The following AUNIP variants were observed in gnomAD, a reference collection of about 807,000 sequenced individuals.
AUNIP encodes the protein aurora kinase A- and ninein-interacting protein.
In AUNIP, 16 loss-of-function variants were observed where a neutral mutation model predicts 12.2. The ratio of observed to expected loss-of-function variants is 1.31; its 90% CI spans 0.88 to 1.99. The LOEUF (loss-of-function observed/expected upper bound fraction) is 1.99, where lower values mean the gene tolerates loss of function less well. Among genes scored for constraint, AUNIP ranks in the 30% most tolerant of loss-of-function variants. AUNIP has a pLI of 0.00. For synonymous variants in AUNIP, 142 were observed against 154.8 expected (o/e 0.92, Z 0.61); for missense variants, 411 against 419.1 (o/e 0.98, Z 0.17).
Position 25,851,806 on chromosome 1 carries a change from G to A in AUNIP, c.78+7474C>T, listed in dbSNP as rs181201405. 1.4e-3 allele frequency among the ~76,000 whole-genome samples: 219 copies of A among 151,822 alleles called. 1 individual carries two copies. Among genetic ancestry groups the A allele is most frequent in the Non-Finnish European group, 2.5e-3 (167 of 67,922 alleles). On this transcript the variant is annotated intron_variant, in intron 1 of 2. Coordinates refer to ENST00000374298, the MANE Select transcript of AUNIP (RefSeq NM_024037.3). Reference sequence around the variant, plus strand: ...GGCTGGAATGCAGTGGCACAATCTCGGCTCACTGCAACCTGTCTCCCGGGT... The same window carrying A: ...GGCTGGAATGCAGTGGCACAATCTCAGCTCACTGCAACCTGTCTCCCGGGT...
intron 1 of AUNIP, among the ~76,000 whole-genome samples, chr1:25,858,767 G>C (rs900130393): frequency 6.6e-5 from 10 of 152,136 alleles, no homozygotes; most frequent in African/African-American, 2.4e-4. Context: ...TACATAGGAG[G>C]CCAGCTCCCC....
In AUNIP at chr1:25,837,474, TC is replaced by T. The variant is rs1327560342; in HGVS notation, c.158del (p.Arg53LysfsTer51). The T allele has an allele frequency of 2.2e-5, 36 of 1,614,012 alleles. No homozygotes were observed. The highest frequency in any genetic ancestry group is 2.8e-5 in the Non-Finnish European group (33 of 1,179,994). On this transcript the variant is annotated frameshift_variant, in exon 2 of 3. Transcript: ENST00000374298. LOFTEE classifies it high-confidence loss of function. ...GGTGAATGCCTGTAGATGGAGCTCT[TC>T]TTTGAGTAAAATAAATATTAGCCTT... Reference protein sequence around the residue: ...ERKANIYFTQRRAPSTGIHQR... With the variant: ...ERKANIYFTQXRAPSTGIHQR...
At chr1:25,843,598 A>G (rs2048361140) in intron 1 of AUNIP, among the ~76,000 whole-genome samples, 4 of 133,684 alleles carry the variant, frequency 3.0e-5, no homozygotes, top group African/African-American at 1.0e-4. Flanking sequence ...CTGTTTGAAA[A>G]AAAAAAAAAA....
chr1:25,841,723 A>G (rs1485059999), intron 1 of AUNIP, among the ~76,000 whole-genome samples: 1 of 151,844 alleles, frequency 6.6e-6, no homozygotes, highest in African/African-American at 2.4e-5. Flanking sequence ...ACGGGGTTTC[A>G]CTGTGTTGGC....
chr1:25,845,014 T>C (rs2048372360), intron 1 of AUNIP, among the ~76,000 whole-genome samples: 1 of 152,222 alleles, frequency 6.6e-6, no homozygotes, highest in South Asian at 2.1e-4. Flanking sequence ...GGTCTCATCA[T>C]TATACATCTC....
In AUNIP at chr1:25,848,644, A is replaced by C. The variant is rs553877248; in HGVS notation, c.78+10636T>G. Among the ~76,000 whole-genome samples the C allele has an allele frequency of 2.6e-5, 4 of 152,150 alleles. No individual in the cohort carries two copies. The East Asian group carries it at 7.7e-4, about 29-fold the overall frequency. ...CCACACCAAATAATCTGTGCTAACA[A>C]TGTGATTTATGGAGGGGTCTTCAGG... On this transcript the variant is annotated intron_variant, in intron 1 of 2. Coordinates refer to ENST00000374298, the MANE Select transcript of AUNIP (RefSeq NM_024037.3).
rs2048297782 is a variant in AUNIP at position 25,835,758 on chromosome 1, T to C, written c.309A>G (p.Leu103=). The C allele has an allele frequency of 1.2e-6, 2 of 1,614,250 alleles. No individual in the cohort carries two copies. The highest frequency in any genetic ancestry group is 1.1e-5 in the South Asian group (1 of 91,092). Residue 103 remains leucine (L), a synonymous_variant, in exon 3 of 3, where the codon CTA becomes CTG. Transcript: ENST00000374298. ...GTGCTAAGCCTGGGATCAAATGGTC[T>C]AGCTGGGTCGCATTTTTCTTGGACT... The part of the protein sequence containing the change: ...NKESKKNATQ[L]DHLIPGLAHD...
At position 25,837,519 on chromosome 1, in the gene AUNIP, T is replaced by C; in HGVS notation, c.114A>G (p.Thr38=). The C allele has an allele frequency of 6.2e-7, 1 of 1,613,680 alleles. No individual in the cohort carries two copies. The highest frequency in any genetic ancestry group is 8.5e-7 in the Non-Finnish European group (1 of 1,179,744). The part of the protein sequence containing the change: ...HLIKPGTKML[T]LLPGERKANI... ...TAGCCTTTCTTTCTCCAGGAAGGAG[T>C]GTTAGCATTTTGGTGCCTGGTTTGA... Residue 38 remains threonine, a synonymous_variant, in exon 2 of 3, where the codon ACA becomes ACG. Coordinates refer to ENST00000374298, the MANE Select transcript of AUNIP (RefSeq NM_024037.3).
At position 25,835,760 on chromosome 1, in the gene AUNIP, G is replaced by T; in HGVS notation, c.307C>A (p.Leu103Ile). ...NKESKKNATQ[L>I]DHLIPGLAHD... ...GCTAAGCCTGGGATCAAATGGTCTA[G>T]CTGGGTCGCATTTTTCTTGGACTCT... is the stretch of plus-strand genomic sequence containing the variant. Residue 103 changes from leucine to isoleucine, a missense_variant, in exon 3 of 3, where the codon CTA becomes ATA. By Grantham distance (5) the Leu-to-Ile change is conservative. Transcript: ENST00000374298. 4 of 1,614,220 alleles carry T rather than the reference G, an allele frequency of 2.5e-6. No individual in the cohort carries two copies. The highest frequency in any genetic ancestry group is 3.4e-6 in the Non-Finnish European group (4 of 1,180,044).
At chr1:25,842,584 T>C (rs145794648) in intron 1 of AUNIP, among the ~76,000 whole-genome samples, 199 of 152,360 alleles carry the variant, frequency 1.3e-3, no homozygotes, top group African/African-American at 4.3e-3. Flanking sequence ...TAGTCTTACA[T>C]AGGAAGAAGA....
chr1:25,836,690 C>A (rs2048305766), intron 2 of AUNIP, among the ~76,000 whole-genome samples: 1 of 152,158 alleles, frequency 6.6e-6, no homozygotes, highest in Non-Finnish European at 1.5e-5. Flanking sequence ...CTATAAAATA[C>A]ACCAGAATTT....
At chr1:25,832,833 C>T (rs986543324), downstream of AUNIP, 1 of 154,288 alleles carries the variant, frequency 6.5e-6, no homozygotes, top group Admixed American at 6.4e-5. Context: ...TGTACCACAC[C>T]ATGCATGACT....
At chr1:25,841,815 C>T (rs1405411900) in intron 1 of AUNIP, among the ~76,000 whole-genome samples, 2 of 152,126 alleles carry the variant, frequency 1.3e-5, no homozygotes, top group Admixed American at 6.5e-5. Context: ...TGAGCCACTG[C>T]GCCTGGCCAA....
At chr1:25,838,265 G>A (rs1351175287) in intron 1 of AUNIP, among the ~76,000 whole-genome samples, 1 of 152,086 alleles carries the variant, frequency 6.6e-6, no homozygotes, top group Non-Finnish European at 1.5e-5. Context: ...AACACTTTGG[G>A]AGGCCGAGGC....
intron 1 of AUNIP, among the ~76,000 whole-genome samples, chr1:25,854,952 TC>T (rs370195583): frequency 2.0e-5 from 3 of 147,984 alleles, no homozygotes; most frequent in African/African-American, 7.8e-5. Context: ...CAGAATTCTT[TC>T]TTTTTTTTTT....
intron 1 of AUNIP, among the ~76,000 whole-genome samples, chr1:25,849,638 T>C (rs1324931140): frequency 6.6e-6 from 1 of 152,142 alleles, no homozygotes; most frequent in African/African-American, 2.4e-5. Context: ...TTGTGTTATT[T>C]TGTTTGTTTG....
At position 25,835,757 on chromosome 1, in the gene AUNIP, C is replaced by A. The variant is rs777721119; in HGVS notation, c.310G>T (p.Asp104Tyr). 6.2e-7 allele frequency: 1 copy of A among 1,614,208 alleles called. No homozygotes were observed. Among genetic ancestry groups the A allele is most frequent in the Admixed American group, 1.7e-5 (1 of 60,022 alleles). Reference sequence around the variant, plus strand: ...TGTGCTAAGCCTGGGATCAAATGGTCTAGCTGGGTCGCATTTTTCTTGGAC... The same window carrying A: ...TGTGCTAAGCCTGGGATCAAATGGTATAGCTGGGTCGCATTTTTCTTGGAC... ...KESKKNATQL[D>Y]HLIPGLAHDC... The change falls in exon 3 of 3, where the codon GAC becomes TAC. Residue 104 changes from aspartate (D) to tyrosine (Y), a missense_variant. Asp to Tyr is a radical substitution (Grantham distance 160). Coordinates refer to ENST00000374298, the MANE Select transcript of AUNIP (RefSeq NM_024037.3).
chr1:25,857,389 G>A (rs2048470522), intron 1 of AUNIP, among the ~76,000 whole-genome samples: 2 of 151,202 alleles, frequency 1.3e-5, no homozygotes, highest in East Asian at 4.0e-4. Context: ...GGGATTACAG[G>A]TACCTGCCAC....
chr1:25,835,387 C>T lies in AUNIP; in HGVS notation c.680G>A (p.Gly227Asp). Residue 227 changes from glycine (G) to aspartate (D), a missense_variant, in exon 3 of 3, where the codon GGC (glycine) becomes GAC (aspartate). Coordinates refer to ENST00000374298, the MANE Select transcript of AUNIP (RefSeq NM_024037.3). ...CACCTTTCTTTCCAATTTAGTCTTG[C>T]CTAAGGGCTGACAGCATTTGTCCCC... ...LPGDKCCQPL[G>D]KTKLERKVSA... 1 of 1,614,234 alleles carries T rather than the reference C, an allele frequency of 6.2e-7. No individual in the cohort carries two copies. The highest frequency in any genetic ancestry group is 8.5e-7 in the Non-Finnish European group (1 of 1,180,048).
Sources: allele counts gnomAD v4.1 joint callset (sites outside exome capture counted in the v4.1 genomes callset), GRCh38; gene constraint gnomAD v4.1.1; transcripts MANE v1.5; gene names NCBI Gene and HGNC (gene_info 2026-07-23, HGNC 2026-07-21).